Variants in EML6 observed in about 807,000 individuals in gnomAD.
EML6 encodes EMAP like 6.
In EML6, 154 loss-of-function variants were observed where a neutral mutation model predicts 240.1. The observed-to-expected ratio is 0.64, with a 90% CI of 0.56 to 0.73. The LOEUF (loss-of-function observed/expected upper bound fraction) is 0.73. Among genes scored for constraint, EML6 ranks in the 30% least tolerant of loss-of-function variants. The probability of loss-of-function intolerance (pLI) is 0.00; values close to 1 mark genes in which losing one functional copy is unlikely to be tolerated. For synonymous variants in EML6, 1,148 were observed against 899.0 expected (o/e 1.28, Z -4.95); for missense variants, 2,964 against 2,474.6 (o/e 1.20, Z -4.20).
intron 21 of EML6, among the ~76,000 whole-genome samples, chr2:54,895,852 G>C (rs1181833185): frequency 6.6e-6 from 1 of 152,100 alleles, no homozygotes; most frequent in African/African-American, 2.4e-5. Flanking sequence ...TTGCCACATA[G>C]GGTTTCCCAA....
At chr2:54,924,671 C>T (rs190658925) in intron 26 of EML6, among the ~76,000 whole-genome samples, 199 of 152,286 alleles carry the variant, frequency 1.3e-3, no homozygotes, top group Non-Finnish European at 2.3e-3. Flanking sequence ...AAGTGATTCT[C>T]CTGCTTCAGC....
chr2:54,901,288 T>C (rs556964839), intron 22 of EML6, among the ~76,000 whole-genome samples: 78 of 152,206 alleles, frequency 5.1e-4, no homozygotes, highest in Non-Finnish European at 9.6e-4. Flanking sequence ...ACTATTTCCC[T>C]CTGCCGTGTT....
At chr2:54,969,700 T>C (rs1437478960) in intron 41 of EML6, among the ~76,000 whole-genome samples, 1 of 152,214 alleles carries the variant, frequency 6.6e-6, no homozygotes, top group East Asian at 1.9e-4. Flanking sequence ...CATGGGAGCA[T>C]GCTGTGATCC....
intron 28 of EML6, 65 bp from the exon 29 acceptor site, chr2:54,948,817 A>G: frequency 1.5e-6 from 2 of 1,316,742 alleles, no homozygotes; most frequent in Non-Finnish European, 1.1e-6. Context: ...GACAGGCCAC[A>G]CCGGGAAGGC....
chr2:54,886,139 CTT>C lies in EML6; in HGVS notation c.2439-4902_2439-4901del, dbSNP rs34063699. ...ATACTACACATTGCACAAATGTTTC[CTT>C]TTTTTTTTTTTTAACCTTCTTTTTT... On this transcript the variant is annotated intron_variant, in intron 17 of 41. Coordinates refer to ENST00000356458, the MANE Select transcript of EML6 (RefSeq NM_001039753.4). Among the ~76,000 whole-genome samples, 310 of 125,384 alleles carry C rather than the reference CTT, an allele frequency of 2.5e-3. 9 individuals carry two copies. The East Asian group carries it at 0.05, about 20-fold the overall frequency. 82.3% of individuals were successfully genotyped at this position (125,384 alleles called of 152,430 possible).
chr2:54,726,100 C>T (rs1020269554), intron 2 of EML6, among the ~76,000 whole-genome samples: 1 of 152,222 alleles, frequency 6.6e-6, no homozygotes, highest in Admixed American at 6.5e-5. Context: ...TGTGAGCAAA[C>T]AAGGTATGGG....
At chr2:54,903,622 AAT>A in intron 24 of EML6, 120 bp downstream of exon 24, 1 of 760,388 alleles carries the variant, frequency 1.3e-6, no homozygotes, top group African/African-American at 1.8e-5. Context: ...ATCCCACAAC[AAT>A]ATAAACGACT....
intron 16 of EML6, among the ~76,000 whole-genome samples, chr2:54,872,603 A>G (rs1671313732): frequency 6.6e-6 from 1 of 152,148 alleles, no homozygotes; most frequent in Non-Finnish European, 1.5e-5. Flanking sequence ...TGGCTGACTC[A>G]TTGTGGAGCC....
At chr2:54,905,734 C>G (rs1266150933) in intron 24 of EML6, among the ~76,000 whole-genome samples, 1 of 152,130 alleles carries the variant, frequency 6.6e-6, no homozygotes, top group Non-Finnish European at 1.5e-5. Flanking sequence ...TACTTTCTGT[C>G]TCTATGAATG....
At chr2:54,828,832 T>C (rs1668722991) in intron 6 of EML6, among the ~76,000 whole-genome samples, 1 of 152,268 alleles carries the variant, frequency 6.6e-6, no homozygotes, top group African/African-American at 2.4e-5. Flanking sequence ...CAAACGATGC[T>C]TAACAAGCGA....
intron 32 of EML6, among the ~76,000 whole-genome samples, chr2:54,954,727 A>G (rs774042573): frequency 6.6e-6 from 1 of 152,182 alleles, no homozygotes; most frequent in African/African-American, 2.4e-5. Context: ...CCTCACACAC[A>G]TGCACACACA....
At chr2:54,815,057 A>G (rs1429182693) in intron 3 of EML6, among the ~76,000 whole-genome samples, 1 of 152,208 alleles carries the variant, frequency 6.6e-6, no homozygotes, top group Non-Finnish European at 1.5e-5. Context: ...CTCTAATCGG[A>G]TTTTGTTATT....
chr2:54,788,467 G>A (rs72808606), intron 2 of EML6, among the ~76,000 whole-genome samples: 30,824 of 150,522 alleles, frequency 0.2, 3,524 homozygotes, highest in Middle Eastern at 0.31. Context: ...AGGATTAGGC[G>A]TCCAGCTGGG....
At chr2:54,807,080 A>G (rs952562952) in intron 2 of EML6, among the ~76,000 whole-genome samples, 2 of 152,178 alleles carry the variant, frequency 1.3e-5, no homozygotes, top group Non-Finnish European at 2.9e-5. Flanking sequence ...CACATGGCCA[A>G]TCAATTCTGA....
At chr2:54,836,454 C>T (rs1387082566) in intron 7 of EML6, among the ~76,000 whole-genome samples, 2 of 152,182 alleles carry the variant, frequency 1.3e-5, no homozygotes, top group Non-Finnish European at 1.5e-5. Context: ...CCTATGAATT[C>T]TGCTGGAGAT....
chr2:54,788,526 C>T (rs1027593514), intron 2 of EML6, among the ~76,000 whole-genome samples: 18 of 152,210 alleles, frequency 1.2e-4, no homozygotes, highest in East Asian at 3.8e-4. Flanking sequence ...GGCCGCCCCC[C>T]GCCCCAGCAG....
chr2:54,869,374 A>G lies in EML6; in HGVS notation c.2238+7A>G, dbSNP rs1330677849. ...CTATGTGGCTACTGGGCAGGTATCT[A>G]TCTCCTGTAAACTAGGGCCTAGCCA... On this transcript the variant is annotated splice_region_variant and intron_variant, in intron 15 of 41. Transcript: ENST00000356458. 17 of 1,540,812 alleles carry G rather than the reference A, an allele frequency of 1.1e-5. No homozygotes were observed. The highest frequency in any genetic ancestry group is 4.0e-5 in the Admixed American group (2 of 50,336).
intron 2 of EML6, among the ~76,000 whole-genome samples, chr2:54,802,072 A>G (rs1670181572): frequency 6.6e-6 from 1 of 152,156 alleles, no homozygotes; most frequent in African/African-American, 2.4e-5. Flanking sequence ...ATGTATTTAT[A>G]AAAGTGTCCA....
chr2:54,907,999 A>G (rs1199627486), intron 24 of EML6, among the ~76,000 whole-genome samples: 1 of 149,664 alleles, frequency 6.7e-6, no homozygotes, highest in Non-Finnish European at 1.5e-5. Context: ...ATAGATAGAT[A>G]GATATCACAG....
Sources: gnomAD v4.1 joint callset for allele counts (sites outside exome capture counted in the v4.1 genomes callset) on GRCh38, gnomAD v4.1.1 for gene constraint, MANE v1.5 for transcripts, NCBI Gene and HGNC (gene_info 2026-07-23, HGNC 2026-07-21) for gene names.